Variants in DEXI observed in about 807,000 individuals in gnomAD.
The protein encoded by DEXI is Dexi homolog.
DEXI carries 2 observed loss-of-function variants against 2.5 expected under a neutral mutation model. The observed-to-expected ratio is 0.81, with a 90% CI of 0.33 to 2.55. The LOEUF (loss-of-function observed/expected upper bound fraction) is 2.55. Among genes scored for constraint, DEXI ranks in the 30% most tolerant of loss-of-function variants. DEXI has a pLI of 0.11. For synonymous variants in DEXI, 71 were observed against 68.7 expected (o/e 1.03, Z -0.17); for missense variants, 108 against 130.3 (o/e 0.83, Z 0.83).
chr16:10,935,324 C>G (rs1180762074), intron 1 of DEXI: 1 of 152,226 alleles, frequency 6.6e-6, no homozygotes, highest in Non-Finnish European at 1.5e-5. Flanking sequence ...GGAGAAAGTT[C>G]AGTTTGGTGC....
At chr16:10,935,333 G>A (rs1191388160) in intron 1 of DEXI, 1 of 152,224 alleles carries the variant, frequency 6.6e-6, no homozygotes, top group Non-Finnish European at 1.5e-5. Context: ...TCAGTTTGGT[G>A]CTGGTATATC....
At position 10,939,413 on chromosome 16, in the gene DEXI, G is replaced by C. The variant is rs779820334; in HGVS notation, c.*149+2156C>G. On this transcript the variant is annotated intron_variant, in intron 1 of 1. Coordinates refer to ENST00000331808, the MANE Select transcript of DEXI (RefSeq NM_014015.4). The surrounding 1 kb of genome is among the most constrained non-coding windows in gnomAD (Gnocchi z 4.9). ...ATGGCTTTCCACTGCTCTTGGCTAT[G>C]GCCTTCCAGGTCCTCCATGGTATGG... is the stretch of plus-strand genomic sequence containing the variant. 6.6e-6 allele frequency: 1 copy of C among 152,226 alleles called. No homozygotes were observed. The highest frequency in any genetic ancestry group is 1.5e-5 in the Non-Finnish European group (1 of 68,090). The allele number at this position is 152,226 out of a possible 1,614,324, so 9.4% of individuals were successfully genotyped here. A position where few individuals can be genotyped will look rare whatever the true frequency, so the allele number is the denominator to read the frequency against.
In DEXI at chr16:10,928,906, T is replaced by A. The variant is rs569857478; in HGVS notation, c.*803A>T. 1 of 151,632 alleles carries A rather than the reference T, an allele frequency of 6.6e-6. No individual in the cohort carries two copies. Among genetic ancestry groups the A allele is most frequent in the Middle Eastern group, 3.4e-3 (1 of 292 alleles). The allele number at this position is 151,632 out of a possible 1,614,324, so 9.4% of individuals were successfully genotyped here. On this transcript the variant is annotated 3_prime_UTR_variant, in exon 2 of 2. Transcript: ENST00000331808. Reference sequence around the variant, plus strand: ...GCCCCAGGGGTTGGAGTTGCATACATTTTTTTTTAATCCAAAGAAGTAAGC... The same window carrying A: ...GCCCCAGGGGTTGGAGTTGCATACAATTTTTTTTAATCCAAAGAAGTAAGC...
chr16:10,938,998 G>T lies in DEXI; in HGVS notation c.*149+2571C>A, dbSNP rs2041065906. On this transcript the variant is annotated intron_variant, in intron 1 of 1. Transcript: ENST00000331808. The surrounding 1 kb of genome is among the most constrained non-coding windows in gnomAD (Gnocchi z 4.9). ...TACACTGCTTCAAAGTCAAATGCTT[G>T]GCTTGGAGACAGGGATTTATCTTGG... The T allele has an allele frequency of 6.6e-6, 1 of 152,198 alleles. No individual in the cohort carries two copies. The highest frequency in any genetic ancestry group is 2.4e-5 in the African/African-American group (1 of 41,450). The allele number at this position is 152,198 out of a possible 1,614,324, so 9.4% of individuals were successfully genotyped here.
Position 10,929,554 on chromosome 16 carries a change from GC to G in DEXI, c.*154del. 1.0e-6 allele frequency: 1 copy of G among 985,484 alleles called. No individual in the cohort carries two copies. The highest frequency in any genetic ancestry group is 1.2e-6 in the Non-Finnish European group (1 of 829,992). The allele number at this position is 985,484 out of a possible 1,614,324, so 61.0% of individuals were successfully genotyped here. ...TGTTGGCACGAAGCTTTTGAGGGGA[GC>G]AGGTCTAACAAGAAGGAAAAAGGGG... On this transcript the variant is annotated 3_prime_UTR_variant, in exon 2 of 2. Transcript: ENST00000331808. The surrounding 1 kb of genome is among the most constrained non-coding windows in gnomAD (Gnocchi z 4.3).
At position 10,939,813 on chromosome 16, in the gene DEXI, C is replaced by T. The variant is rs981804226; in HGVS notation, c.*149+1756G>A. 1 of 152,424 alleles carries T rather than the reference C, an allele frequency of 6.6e-6. No individual in the cohort carries two copies. Among genetic ancestry groups the T allele is most frequent in the Middle Eastern group, 3.4e-3 (1 of 294 alleles). The allele number at this position is 152,424 out of a possible 1,614,324, so 9.4% of individuals were successfully genotyped here. A position where few individuals can be genotyped will look rare whatever the true frequency, so the allele number is the denominator to read the frequency against. ...TCCTTCTTGCCTGCCTTCATAGTTC[C>T]GAAAAAATCTGATTCTCTTGTTTGG... is the stretch of plus-strand genomic sequence containing the variant. On this transcript the variant is annotated intron_variant, in intron 1 of 1. Coordinates refer to ENST00000331808, the MANE Select transcript of DEXI (RefSeq NM_014015.4). This position sits in a 1 kb window ranked among gnomAD's most constrained non-coding sequence, Gnocchi z 4.9.
rs1363855795 is a variant in DEXI, at chr16:10,934,070, G to C, written c.*150-4511C>G. The C allele has an allele frequency of 6.6e-6, 1 of 152,210 alleles. No individual in the cohort carries two copies. The allele number at this position is 152,210 out of a possible 1,614,324, so 9.4% of individuals were successfully genotyped here. ...CTCAAACCTGGCTTCGGATTTGCAC[G>C]TTGGCTGCCAAAGCTGATCAGCAGC... On this transcript the variant is annotated intron_variant, in intron 1 of 1. Transcript: ENST00000331808. This position sits in a 1 kb window ranked among gnomAD's most constrained non-coding sequence, Gnocchi z 4.2.
intron 1 of DEXI, chr16:10,930,687 C>G (rs1342621171): frequency 2.0e-5 from 3 of 152,228 alleles, no homozygotes; most frequent in Non-Finnish European, 4.4e-5. Flanking sequence ...GAGCTCTTAG[C>G]AGACGCTGAG....
rs567123326 is a variant in DEXI at position 10,937,168 on chromosome 16, G to C, written c.*149+4401C>G. 14 of 152,428 alleles carry C rather than the reference G, an allele frequency of 9.2e-5. No individual in the cohort carries two copies. The highest frequency in any genetic ancestry group is 3.1e-4 in the African/African-American group (13 of 41,564). The allele number at this position is 152,428 out of a possible 1,614,324, so 9.4% of individuals were successfully genotyped here. A position where few individuals can be genotyped will look rare whatever the true frequency, so the allele number is the denominator to read the frequency against. ...TGTACCCTATGGCCAAGGACCTTCT[G>C]GGTGAGCCTCATGTCAGGAGCAGAG... On this transcript the variant is annotated intron_variant, in intron 1 of 1. Coordinates refer to ENST00000331808, the MANE Select transcript of DEXI (RefSeq NM_014015.4). This position sits in a 1 kb window ranked among gnomAD's most constrained non-coding sequence, Gnocchi z 4.2.
Position 10,938,996 on chromosome 16 carries a change from T to G in DEXI, c.*149+2573A>C, listed in dbSNP as rs1243825686. On this transcript the variant is annotated intron_variant, in intron 1 of 1. Transcript: ENST00000331808. The surrounding 1 kb of genome is among the most constrained non-coding windows in gnomAD (Gnocchi z 4.9). Reference sequence around the variant, plus strand: ...GTTACACTGCTTCAAAGTCAAATGCTTGGCTTGGAGACAGGGATTTATCTT... The same window carrying G: ...GTTACACTGCTTCAAAGTCAAATGCGTGGCTTGGAGACAGGGATTTATCTT... 2 of 152,216 alleles carry G rather than the reference T, an allele frequency of 1.3e-5. No individual in the cohort carries two copies. The highest frequency in any genetic ancestry group is 2.9e-5 in the Non-Finnish European group (2 of 68,036). 9.4% of individuals were successfully genotyped at this position (152,216 alleles called of 1,614,324 possible).
rs1283564941 is a variant in DEXI at position 10,937,887 on chromosome 16, G to C, written c.*149+3682C>G. The C allele has an allele frequency of 1.3e-5, 2 of 152,214 alleles. No homozygotes were observed. The highest frequency in any genetic ancestry group is 2.9e-5 in the Non-Finnish European group (2 of 68,058). The allele number at this position is 152,214 out of a possible 1,614,324, so 9.4% of individuals were successfully genotyped here. On this transcript the variant is annotated intron_variant, in intron 1 of 1. Coordinates refer to ENST00000331808, the MANE Select transcript of DEXI (RefSeq NM_014015.4). The surrounding 1 kb of genome is among the most constrained non-coding windows in gnomAD (Gnocchi z 4.2). ...CTGGGGACCACAGGGCAGCAAGAAA[G>C]TTCTCCTAAGGGTCCTGGGGCTGGG...
rs1238561063 is a variant in DEXI at position 10,939,860 on chromosome 16, C to T, written c.*149+1709G>A. ...TTGGGTTCCTACTAGTCTTCCTCACCAAGTGCCAAAGGGCCAAGGCTTGGT... is the reference window on the plus strand; with the variant it reads ...TTGGGTTCCTACTAGTCTTCCTCACTAAGTGCCAAAGGGCCAAGGCTTGGT... On this transcript the variant is annotated intron_variant, in intron 1 of 1. Coordinates refer to ENST00000331808, the MANE Select transcript of DEXI (RefSeq NM_014015.4). This position sits in a 1 kb window ranked among gnomAD's most constrained non-coding sequence, Gnocchi z 4.9. 1.3e-5 allele frequency: 2 copies of T among 152,402 alleles called. No homozygotes were observed. Among genetic ancestry groups the T allele is most frequent in the African/African-American group, 4.8e-5 (2 of 41,466 alleles). The allele number at this position is 152,402 out of a possible 1,614,324, so 9.4% of individuals were successfully genotyped here. A position where few individuals can be genotyped will look rare whatever the true frequency, so the allele number is the denominator to read the frequency against.
At chr16:10,935,150 G>A (rs1461664462) in intron 1 of DEXI, 3 of 152,252 alleles carry the variant, frequency 2.0e-5, no homozygotes, top group South Asian at 4.1e-4. Context: ...TGAAGTCTGA[G>A]GTGTTGGTGG....
In DEXI at chr16:10,941,732, C is replaced by T. The variant is rs1288928566; in HGVS notation, c.274G>A (p.Ala92Thr). ...CAGTCGAGACCCTACTCCAAGTACG[C>T]ATCAAAGACGTCGAGCTCCGAGTCA... is the stretch of plus-strand genomic sequence containing the variant. ...DADSELDVFD[A>T]YLE Residue 92 changes from alanine (A) to threonine (T), a missense_variant, in exon 1 of 2, where the codon GCG becomes ACG. Physicochemically the swap from Ala to Thr is moderately conservative, Grantham distance 58. Transcript: ENST00000331808. The surrounding 1 kb of genome is among the most constrained non-coding windows in gnomAD (Gnocchi z 6.4). 1 of 1,609,796 alleles carries T rather than the reference C, an allele frequency of 6.2e-7. No individual in the cohort carries two copies. The highest frequency in any genetic ancestry group is 1.3e-5 in the African/African-American group (1 of 74,676).
In DEXI at chr16:10,934,605, G is replaced by C. The variant is rs2040947183; in HGVS notation, c.*150-5046C>G. The C allele has an allele frequency of 6.6e-6, 1 of 152,258 alleles. No homozygotes were observed. Among genetic ancestry groups the C allele is most frequent in the Non-Finnish European group, 1.5e-5 (1 of 68,056 alleles). The allele number at this position is 152,258 out of a possible 1,614,324, so 9.4% of individuals were successfully genotyped here. A position where few individuals can be genotyped will look rare whatever the true frequency, so the allele number is the denominator to read the frequency against. ...CCTCATAGATGGGTATCTGAGATGAGTCATCGAACTTCTGCAAGCCTCAGT... is the reference window on the plus strand; with the variant it reads ...CCTCATAGATGGGTATCTGAGATGACTCATCGAACTTCTGCAAGCCTCAGT... On this transcript the variant is annotated intron_variant, in intron 1 of 1. Transcript: ENST00000331808. The surrounding 1 kb of genome is among the most constrained non-coding windows in gnomAD (Gnocchi z 4.2).
In DEXI at chr16:10,937,021, G is replaced by T. The variant is rs1375813490; in HGVS notation, c.*149+4548C>A. The T allele has an allele frequency of 6.6e-6, 1 of 152,226 alleles. No homozygotes were observed. Among genetic ancestry groups the T allele is most frequent in the Non-Finnish European group, 1.5e-5 (1 of 68,044 alleles). 9.4% of individuals were successfully genotyped at this position (152,226 alleles called of 1,614,324 possible). On this transcript the variant is annotated intron_variant, in intron 1 of 1. Transcript: ENST00000331808. This position sits in a 1 kb window ranked among gnomAD's most constrained non-coding sequence, Gnocchi z 4.2. ...GCTGTAAGTGGGGCAGACCCTGCCT[G>T]TTTCTTGGCTGAAATCTCCAGTTTG...
At chr16:10,930,276 T>G (rs2040727069) in intron 1 of DEXI, 1 of 152,270 alleles carries the variant, frequency 6.6e-6, no homozygotes, top group Admixed American at 6.5e-5. Context: ...AGAACTTGTA[T>G]GTTAAACATG....
rs1008699279 is a variant in DEXI, at chr16:10,940,384, G to T, written c.*149+1185C>A. 6.6e-6 allele frequency: 1 copy of T among 152,272 alleles called. No homozygotes were observed. Among genetic ancestry groups the T allele is most frequent in the Non-Finnish European group, 1.5e-5 (1 of 68,050 alleles). The allele number at this position is 152,272 out of a possible 1,614,324, so 9.4% of individuals were successfully genotyped here. On this transcript the variant is annotated intron_variant, in intron 1 of 1. Coordinates refer to ENST00000331808, the MANE Select transcript of DEXI (RefSeq NM_014015.4). This position sits in a 1 kb window ranked among gnomAD's most constrained non-coding sequence, Gnocchi z 4.2. ...AGCAGACTGAACTAAGACACCCTCT[G>T]CCTGTGGTTGTCTTGGCAAAGCCAG...
Sources: gnomAD v4.1 joint callset for allele counts on GRCh38, gnomAD v4.1.1 for gene constraint, Gnocchi (gnomAD v3.1) non-coding constraint, MANE v1.5 for transcripts, NCBI Gene and HGNC (gene_info 2026-07-23, HGNC 2026-07-21) for gene names.